GLO1: variants seen among roughly 807,000 people sequenced by gnomAD.
GLO1 encodes lactoylglutathione lyase.
GLO1 carries 28 observed loss-of-function variants against 26.0 expected under a neutral mutation model. The ratio of observed to expected loss-of-function variants is 1.08; its 90% CI spans 0.80 to 1.48. The LOEUF is 1.48. Ranked by LOEUF, GLO1 falls within the 40% of genes most tolerant of loss-of-function variation. GLO1 has a pLI of 0.00. For missense variants in GLO1, 225 were observed against 224.8 expected (o/e 1.00, Z -0.01); for synonymous variants, 78 against 77.6 (o/e 1.00, Z -0.03).
intron 1 of GLO1, among the ~76,000 whole-genome samples, chr6:38,687,895 AT>A (rs890304075): frequency 1.9e-3 from 277 of 144,032 alleles, no homozygotes; most frequent in Middle Eastern, 3.6e-3. Flanking sequence ...TTCCTAACAG[AT>A]TTTTTTTTTT....
Position 38,688,629 on chromosome 6 carries a change from G to A in GLO1, c.85-1655C>T, listed in dbSNP as rs552583398. Among the ~76,000 whole-genome samples, 5 of 152,254 alleles carry A rather than the reference G, an allele frequency of 3.3e-5. No homozygotes were observed. The East Asian group carries it at 7.7e-4, about 24-fold the overall frequency. ...GTCTTATGTATGATCTGTCAGGCCC[G>A]ACCACACACAATCACACAGACTTTA... is the stretch of plus-strand genomic sequence containing the variant. On this transcript the variant is annotated intron_variant, in intron 1 of 5. Transcript: ENST00000373365.
chr6:38,689,136 C>T (rs1482339378), intron 1 of GLO1, among the ~76,000 whole-genome samples: 6 of 152,268 alleles, frequency 3.9e-5, no homozygotes, highest in African/African-American at 7.2e-5. Flanking sequence ...GACCCCTGTC[C>T]GACAGTGGAA....
chr6:38,703,086 C>A lies in GLO1; in HGVS notation c.-32G>T. The A allele has an allele frequency of 7.7e-7, 1 of 1,300,364 alleles. No homozygotes were observed. Among genetic ancestry groups the A allele is most frequent in the Admixed American group, 1.9e-5 (1 of 53,346 alleles). The allele number at this position is 1,300,364 out of a possible 1,614,324, so 80.6% of individuals were successfully genotyped here. On this transcript the variant is annotated 5_prime_UTR_variant, in exon 1 of 6. Coordinates refer to ENST00000373365, the MANE Select transcript of GLO1 (RefSeq NM_006708.3). ...GCTGCAGTATCACAGACGACGGGAC[C>A]CAAGGAACGGAGGAGTCACCCACAC...
Position 38,703,091 on chromosome 6 carries a change from G to T in GLO1, c.-37C>A. ...AGTATCACAGACGACGGGACCCAAG[G>T]AACGGAGGAGTCACCCACACTACGC... On this transcript the variant is annotated 5_prime_UTR_variant, in exon 1 of 6. Coordinates refer to ENST00000373365, the MANE Select transcript of GLO1 (RefSeq NM_006708.3). 2 of 1,186,206 alleles carry T rather than the reference G, an allele frequency of 1.7e-6. No homozygotes were observed. The highest frequency in any genetic ancestry group is 1.2e-5 in the South Asian group (1 of 80,034). 73.5% of individuals were successfully genotyped at this position (1,186,206 alleles called of 1,614,324 possible).
intron 4 of GLO1, 34 bp downstream of exon 4, chr6:38,682,774 T>G (rs1761400574): frequency 1.7e-6 from 2 of 1,172,346 alleles, no homozygotes; most frequent in Middle Eastern, 1.9e-4. Context: ...ATCACACAAA[T>G]CTACATATAT....
rs567487243 is a variant in GLO1, at chr6:38,680,316, T to G, written c.466+1696A>C. Among the ~76,000 whole-genome samples, 9 of 151,590 alleles carry G rather than the reference T, an allele frequency of 5.9e-5. No homozygotes were observed. In the East Asian group the frequency reaches 1.8e-3, roughly 30 times the overall value. On this transcript the variant is annotated intron_variant, in intron 5 of 5. Transcript: ENST00000373365. ...GCAGGCGGATCACCTGAGGTTGGGA[T>G]TTTGAGACCAGCCTGACCAACATGG...
chr6:38,697,860 C>T (rs1478186752), intron 1 of GLO1, among the ~76,000 whole-genome samples: 2 of 152,166 alleles, frequency 1.3e-5, no homozygotes, highest in Non-Finnish European at 1.5e-5. Flanking sequence ...CCTGCCTAGA[C>T]AATTATCTCT....
At chr6:38,677,556 G>A (rs555522347) in intron 5 of GLO1, among the ~76,000 whole-genome samples, 173 bp from the exon 6 acceptor site, 32 of 152,180 alleles carry the variant, frequency 2.1e-4, no homozygotes, top group African/African-American at 7.5e-4. Flanking sequence ...TAGCTGGGGC[G>A]ACAGGCACGC....
intron 2 of GLO1, among the ~76,000 whole-genome samples, chr6:38,685,765 T>C (rs1168163189): frequency 6.6e-6 from 1 of 152,230 alleles, no homozygotes; most frequent in African/African-American, 2.4e-5. Context: ...ATGAAACTGT[T>C]GCAACTTGCT....
intron 1 of GLO1, among the ~76,000 whole-genome samples, chr6:38,699,386 CTG>C (rs1486234167): frequency 6.6e-6 from 1 of 152,054 alleles, no homozygotes; most frequent in Non-Finnish European, 1.5e-5. Flanking sequence ...GATTGTAAAA[CTG>C]TGTTTGAACA....
intron 1 of GLO1, among the ~76,000 whole-genome samples, chr6:38,699,401 A>G (rs1006802335): frequency 2.6e-5 from 4 of 152,212 alleles, no homozygotes; most frequent in Non-Finnish European, 5.9e-5. Flanking sequence ...TTTGAACAAT[A>G]TGAAATCGGC....
intron 2 of GLO1, among the ~76,000 whole-genome samples, chr6:38,685,134 G>C (rs1298547318): frequency 6.6e-6 from 1 of 152,236 alleles, no homozygotes; most frequent in Non-Finnish European, 1.5e-5. Context: ...TGTCAGCAGA[G>C]TGGGGAAGCA....
chr6:38,693,006 A>G (rs1036454550), intron 1 of GLO1, among the ~76,000 whole-genome samples: 1 of 151,738 alleles, frequency 6.6e-6, no homozygotes, highest in Non-Finnish European at 1.5e-5. Context: ...TACTGTCTTC[A>G]TTTGTTTTTG....
At chr6:38,698,773 CTGGACTTCCTTTATAATGAAGA>C (rs1761649268) in intron 1 of GLO1, among the ~76,000 whole-genome samples, 1 of 149,928 alleles carries the variant, frequency 6.7e-6, no homozygotes, top group Non-Finnish European at 1.5e-5. Flanking sequence ...CATACATTCT[CTGGACTTCCTTTATAATGAAGA>C]TGCAAATGAT....
intron 1 of GLO1, among the ~76,000 whole-genome samples, chr6:38,701,697 G>C (rs1464507134): frequency 6.6e-6 from 1 of 152,070 alleles, no homozygotes; most frequent in African/African-American, 2.4e-5. Context: ...CCAAGTACCA[G>C]GTGCTAGTCA....
chr6:38,698,651 C>A (rs1458631926), intron 1 of GLO1, among the ~76,000 whole-genome samples: 1 of 139,340 alleles, frequency 7.2e-6, no homozygotes, highest in Non-Finnish European at 1.5e-5. Context: ...GGAAGGAGAA[C>A]CTGACCTTTT....
At chr6:38,694,031 A>G (rs1389313470) in intron 1 of GLO1, among the ~76,000 whole-genome samples, 37 of 152,138 alleles carry the variant, frequency 2.4e-4, no homozygotes, top group Admixed American at 1.6e-3. Context: ...TATTTTTAAA[A>G]AGTTCCCAAG....
rs1170645548 is a variant in GLO1 at position 38,693,685 on chromosome 6, CTA to C, written c.85-6713_85-6712del. Among the ~76,000 whole-genome samples the C allele has an allele frequency of 9.2e-3, 796 of 86,408 alleles. 14 individuals carry two copies. Among genetic ancestry groups the C allele is most frequent in the East Asian group, 0.062 (211 of 3,388 alleles). 56.7% of individuals were successfully genotyped at this position (86,408 alleles called of 152,430 possible). A position where few individuals can be genotyped will look rare whatever the true frequency, so the allele number is the denominator to read the frequency against. The stretch of plus-strand genomic sequence containing the variant: ...TCTCTCTCTCTCTCTCTCTCTCTCT[CTA>C]TATATATATATATATATATTTGTTT... On this transcript the variant is annotated intron_variant, in intron 1 of 5. Transcript: ENST00000373365.
chr6:38,685,761 C>T (rs1761452822), intron 2 of GLO1, among the ~76,000 whole-genome samples: 1 of 152,234 alleles, frequency 6.6e-6, no homozygotes, highest in Admixed American at 6.5e-5. Context: ...GGAAATGAAA[C>T]TGTTGCAACT....
Sources: allele counts gnomAD v4.1 joint callset (sites outside exome capture counted in the v4.1 genomes callset), GRCh38; gene constraint gnomAD v4.1.1; transcripts MANE v1.5; gene names NCBI Gene and HGNC (gene_info 2026-07-23, HGNC 2026-07-21).